The following EPHB1 variants were observed in gnomAD, a reference collection of about 807,000 sequenced individuals.
EPHB1 encodes ephrin type-B receptor 1.
EPHB1 carries 30 observed loss-of-function variants against 94.4 expected under a neutral mutation model. That is an observed-to-expected ratio of 0.32 (90% CI 0.24 to 0.43). EPHB1 has a LOEUF of 0.43. Among genes scored for constraint, EPHB1 ranks in the 20% least tolerant of loss-of-function variants. EPHB1 has a pLI of 1.00. For synonymous variants in EPHB1, 522 were observed against 489.1 expected, an observed-to-expected ratio of 1.07 and a Z score of -0.89; for missense variants, 1,055 against 1,308.3, an observed-to-expected ratio of 0.81 and a Z score of 2.99.
rs755309016 is a variant in EPHB1 at position 135,135,621 on chromosome 3, C to G, written c.1297+2572C>G. On this transcript the variant is annotated intron_variant, in intron 5 of 15. Coordinates refer to ENST00000398015, the MANE Select transcript of EPHB1 (RefSeq NM_004441.5). ...CAGAATACCCCTGAGCTGGTCCACT[C>G]TAGCTCACACTGGGTCAGATCTAGC... Among the ~76,000 whole-genome samples the G allele has an allele frequency of 1.1e-4, 16 of 152,186 alleles. 1 individual carries two copies. The highest frequency in any genetic ancestry group is 2.9e-5 in the Non-Finnish European group (2 of 68,036).
chr3:134,997,436 T>C (rs1438155577), intron 3 of EPHB1, among the ~76,000 whole-genome samples: 1 of 152,210 alleles, frequency 6.6e-6, no homozygotes, highest in East Asian at 1.9e-4. Flanking sequence ...GTCTTTCATT[T>C]CTCTTCTTTA....
chr3:134,795,620 C>G lies in EPHB1; in HGVS notation c.-12C>G, dbSNP rs375745350. 4 of 1,603,208 alleles carry G rather than the reference C, an allele frequency of 2.5e-6. No individual in the cohort carries two copies. Among genetic ancestry groups the G allele is most frequent in the Admixed American group, 1.7e-5 (1 of 59,450 alleles). ...CTCGGCTTGGTCTCGGCCTGCGGGC[C>G]GTCGGCCGGCGATGGCCCTGGATTA... On this transcript the variant is annotated 5_prime_UTR_variant, in exon 1 of 16. Coordinates refer to ENST00000398015, the MANE Select transcript of EPHB1 (RefSeq NM_004441.5).
intron 10 of EPHB1, among the ~76,000 whole-genome samples, chr3:135,185,976 T>G (rs151309570): frequency 6.6e-6 from 1 of 152,370 alleles, no homozygotes; most frequent in Non-Finnish European, 1.5e-5. Flanking sequence ...TCCTGTCTTC[T>G]GGTTTTCTTC....
At chr3:134,830,051 G>C (rs1266472667) in intron 1 of EPHB1, among the ~76,000 whole-genome samples, 4 of 152,184 alleles carry the variant, frequency 2.6e-5, no homozygotes, top group African/African-American at 9.7e-5. Context: ...TCACCAGTTG[G>C]TGGTACTTTG....
At chr3:134,975,652 G>A (rs991087789) in intron 3 of EPHB1, among the ~76,000 whole-genome samples, 4 of 152,074 alleles carry the variant, frequency 2.6e-5, no homozygotes, top group South Asian at 2.1e-4. Context: ...TCAGGAGGCA[G>A]GTCACATTAT....
intron 3 of EPHB1, among the ~76,000 whole-genome samples, chr3:135,014,007 G>A (rs948703531): frequency 2.0e-5 from 3 of 152,126 alleles, no homozygotes; most frequent in African/African-American, 7.2e-5. Context: ...CGGGAGCCAT[G>A]GGGATGGGAT....
intron 1 of EPHB1, among the ~76,000 whole-genome samples, chr3:134,877,947 G>A (rs1260592796): frequency 6.6e-6 from 1 of 152,224 alleles, no homozygotes; most frequent in African/African-American, 2.4e-5. Context: ...TGGCTTCCAG[G>A]TGAAGTCGGA....
At chr3:135,225,572 G>A (rs545555539) in intron 12 of EPHB1, among the ~76,000 whole-genome samples, 1 of 152,198 alleles carries the variant, frequency 6.6e-6, no homozygotes, top group South Asian at 2.1e-4. Flanking sequence ...AGGAGTTTGG[G>A]GGCTTCAGCT....
intron 1 of EPHB1, among the ~76,000 whole-genome samples, chr3:134,832,603 G>T (rs1015898026): frequency 1.3e-5 from 2 of 152,116 alleles, no homozygotes; most frequent in Non-Finnish European, 2.9e-5. Flanking sequence ...TTAAATACCT[G>T]TATTTTTAGA....
At chr3:135,198,428 G>C (rs1942677749) in intron 11 of EPHB1, among the ~76,000 whole-genome samples, 1 of 152,216 alleles carries the variant, frequency 6.6e-6, no homozygotes, top group South Asian at 2.1e-4. Flanking sequence ...CAAAAGTCAA[G>C]TGATGGATGC....
chr3:135,178,202 C>T (rs1260336947), intron 9 of EPHB1, among the ~76,000 whole-genome samples: 1 of 137,264 alleles, frequency 7.3e-6, no homozygotes, highest in Non-Finnish European at 1.5e-5. Context: ...ACCTGTAATC[C>T]CAGCACTTTG....
intron 1 of EPHB1, among the ~76,000 whole-genome samples, chr3:134,833,590 A>C (rs948641748): frequency 6.6e-6 from 1 of 152,238 alleles, no homozygotes; most frequent in African/African-American, 2.4e-5. Flanking sequence ...ATAAGAGCAG[A>C]GAGCAAATGA....
intron 1 of EPHB1, among the ~76,000 whole-genome samples, chr3:134,891,353 A>G (rs548695670): frequency 6.6e-6 from 1 of 152,182 alleles, no homozygotes; most frequent in African/African-American, 2.4e-5. Context: ...CAAGTGATCC[A>G]CCTGCCTTGG....
At chr3:135,162,618 A>G (rs1941540027) in intron 7 of EPHB1, among the ~76,000 whole-genome samples, 1 of 152,178 alleles carries the variant, frequency 6.6e-6, no homozygotes, top group Non-Finnish European at 1.5e-5. Context: ...GGGATGTGGC[A>G]GTCTCATGCA....
chr3:134,849,597 A>G (rs974087361), intron 1 of EPHB1, among the ~76,000 whole-genome samples: 3 of 152,142 alleles, frequency 2.0e-5, no homozygotes, highest in Non-Finnish European at 2.9e-5. Context: ...GGGGATCTCT[A>G]TTGCCAACTC....
chr3:135,216,627 A>G (rs1175556295), intron 12 of EPHB1, among the ~76,000 whole-genome samples: 8 of 151,152 alleles, frequency 5.3e-5, no homozygotes, highest in African/African-American at 1.9e-4. Flanking sequence ...AGAGGCTGAG[A>G]CATGAGAATT....
intron 1 of EPHB1, among the ~76,000 whole-genome samples, chr3:134,849,702 T>C (rs1046764393): frequency 5.9e-5 from 9 of 152,126 alleles, no homozygotes; most frequent in African/African-American, 2.2e-4. Context: ...TGTCCCTGGA[T>C]CAGGAACCAT....
intron 3 of EPHB1, among the ~76,000 whole-genome samples, chr3:135,071,515 T>C (rs1210511346): frequency 2.0e-5 from 3 of 152,150 alleles, no homozygotes; most frequent in African/African-American, 4.8e-5. Flanking sequence ...AGTTATGTGA[T>C]GAGATAAAGT....
chr3:135,003,913 A>G (rs1935288449), intron 3 of EPHB1, among the ~76,000 whole-genome samples: 1 of 151,970 alleles, frequency 6.6e-6, no homozygotes, highest in South Asian at 2.1e-4. Context: ...TCTTTATCCA[A>G]TTTGCCAGTC....
Sources: allele counts gnomAD v4.1 joint callset (sites outside exome capture counted in the v4.1 genomes callset), GRCh38; gene constraint gnomAD v4.1.1; transcripts MANE v1.5; gene names NCBI Gene and HGNC (gene_info 2026-07-23, HGNC 2026-07-21).